Variants in TREM1 observed in about 807,000 individuals in gnomAD.
The protein encoded by TREM1 is triggering receptor expressed on monocytes 1.
In TREM1, 16 loss-of-function variants were observed where a neutral mutation model predicts 22.4. That is an observed-to-expected ratio of 0.71 (90% confidence interval 0.48 to 1.08). TREM1 has a LOEUF of 1.08. Ranked by LOEUF, TREM1 falls within the 50% of genes least tolerant of loss-of-function variation. The pLI is 0.00. For missense variants in TREM1, 283 were observed against 282.9 expected, an observed-to-expected ratio of 1.00 and a Z score of 0.00; for synonymous variants, 110 against 111.6, an observed-to-expected ratio of 0.99 and a Z score of 0.09.
chr6:41,282,327 CTGA>C (rs1767953627), intron 2 of TREM1, 65 bp downstream of exon 2: 5 of 1,277,266 alleles, frequency 3.9e-6, no homozygotes, highest in Non-Finnish European at 5.5e-6. Context: ...CCCAGCTCTG[CTGA>C]TGCTACCACC....
At chr6:41,285,056 C>T (rs1040289227) in intron 1 of TREM1, among the ~76,000 whole-genome samples, 5 of 152,214 alleles carry the variant, frequency 3.3e-5, no homozygotes, top group Non-Finnish European at 5.9e-5. Flanking sequence ...GGAAGACACA[C>T]AGACTCCATC....
rs762670529 is a variant in TREM1, at chr6:41,282,588, C to T, written c.213G>A (p.Glu71=). 5 of 1,614,206 alleles carry T rather than the reference C, an allele frequency of 3.1e-6. No homozygotes were observed. Among genetic ancestry groups the T allele is most frequent in the East Asian group, 2.2e-5 (1 of 44,882 alleles). Residue 71 remains glutamate, a synonymous_variant, in exon 2 of 4, where the codon GAG becomes GAA. Coordinates refer to ENST00000244709, the MANE Select transcript of TREM1 (RefSeq NM_018643.5). ...CTGGATGGGAATTCTTTGAAGGCCT[C>T]TCTGTGCATGCCAGGGTCTTGGGCA... ...GEMPKTLACT[E]RPSKNSHPVQ...
At chr6:41,276,866 T>C (rs1204975981) in intron 3 of TREM1, among the ~76,000 whole-genome samples, 1 of 151,866 alleles carries the variant, frequency 6.6e-6, no homozygotes, top group Non-Finnish European at 1.5e-5. Context: ...TGCAGGAACA[T>C]AATGTCTAAG....
At chr6:41,271,876 C>T (rs1767488059), downstream of TREM1, among the ~76,000 whole-genome samples, 1 of 152,176 alleles carries the variant, frequency 6.6e-6, no homozygotes, top group Non-Finnish European at 1.5e-5. Context: ...TGTCTACATC[C>T]CTCTCCCTGG....
intron 3 of TREM1, chr6:41,268,170 A>T: frequency 2.5e-6 from 1 of 397,910 alleles, no homozygotes; most frequent in Non-Finnish European, 4.4e-6. Context: ...GGCATCCTTT[A>T]TGGTCCCTCT....
chr6:41,284,119 C>T (rs779811058), intron 1 of TREM1, among the ~76,000 whole-genome samples: 168 of 152,120 alleles, frequency 1.1e-3, no homozygotes, highest in Non-Finnish European at 1.8e-3. Flanking sequence ...TTTGATGTCA[C>T]GGAGTCACAG....
chr6:41,272,448 A>G (rs905520384), downstream of TREM1, among the ~76,000 whole-genome samples: 2 of 152,172 alleles, frequency 1.3e-5, no homozygotes, highest in African/African-American at 4.8e-5. Context: ...TTTCTGCTAC[A>G]TCCTCCCTCT....
rs1310110460 is a variant in TREM1 at position 41,282,490 on chromosome 6, T to C, written c.311A>G (p.Gln104Arg). 6.2e-7 allele frequency: 1 copy of C among 1,614,068 alleles called. No homozygotes were observed. Among genetic ancestry groups the C allele is most frequent in the East Asian group, 2.2e-5 (1 of 44,880 alleles). Residue 104 changes from glutamine to arginine, a missense_variant, in exon 2 of 4, where the codon CAA becomes CGA. Coordinates refer to ENST00000244709, the MANE Select transcript of TREM1 (RefSeq NM_018643.5). ...GLLRVRMVNL[Q>R]VEDSGLYQCV... ...CTGATACAGTCCAGAATCTTCCACTTGAAGGTTGACCATTCGGACGCGCAG... is the reference window on the plus strand; with the variant it reads ...CTGATACAGTCCAGAATCTTCCACTCGAAGGTTGACCATTCGGACGCGCAG...
chr6:41,268,338 A>G (rs1416947916), intron 3 of TREM1, among the ~76,000 whole-genome samples: 1 of 152,232 alleles, frequency 6.6e-6, no homozygotes, highest in Admixed American at 6.5e-5. Flanking sequence ...GAAGATAATT[A>G]TGTTTAAGCG....
chr6:41,283,058 G>A (rs1001626319), intron 1 of TREM1, among the ~76,000 whole-genome samples: 1 of 152,192 alleles, frequency 6.6e-6, no homozygotes, highest in Non-Finnish European at 1.5e-5. Flanking sequence ...CAGAACATGG[G>A]ATATTGTACT....
chr6:41,286,484 T>G (rs1581639864), intron 1 of TREM1, 123 bp downstream of exon 1: 1 of 929,382 alleles, frequency 1.1e-6, no homozygotes, highest in East Asian at 2.5e-5. Flanking sequence ...AGCAGCACGG[T>G]CTGCCATAAC....
At chr6:41,285,864 G>C (rs1407526112) in intron 1 of TREM1, among the ~76,000 whole-genome samples, 1 of 152,204 alleles carries the variant, frequency 6.6e-6, no homozygotes, top group Non-Finnish European at 1.5e-5. Flanking sequence ...GAGAGCCCAG[G>C]AGGATACCTC....
At chr6:41,280,846 G>A in intron 3 of TREM1, 115 bp downstream of exon 3, 1 of 1,549,896 alleles carries the variant, frequency 6.5e-7, no homozygotes, top group Non-Finnish European at 8.7e-7. Flanking sequence ...TGTGACTCAA[G>A]TCTTCTCCTG....
chr6:41,280,843 CAA>C, intron 3 of TREM1, 116 bp downstream of exon 3: 1 of 1,544,282 alleles, frequency 6.5e-7, no homozygotes, highest in South Asian at 1.2e-5. Context: ...TAATGTGACT[CAA>C]GTCTTCTCCT....
chr6:41,272,875 A>G (rs1767522433), downstream of TREM1, among the ~76,000 whole-genome samples: 1 of 152,210 alleles, frequency 6.6e-6, no homozygotes, highest in Admixed American at 6.5e-5. Context: ...GGGAGATGGT[A>G]TAATGGAGGT....
intron 3 of TREM1, among the ~76,000 whole-genome samples, chr6:41,278,636 G>A (rs936841213): frequency 2.7e-5 from 4 of 150,854 alleles, no homozygotes; most frequent in Non-Finnish European, 4.4e-5. Context: ...CAGCCTGATT[G>A]ACAGAGTGAG....
intron 2 of TREM1, 128 bp downstream of exon 2, chr6:41,282,267 G>T: frequency 1.4e-6 from 1 of 722,760 alleles, no homozygotes; most frequent in Non-Finnish European, 2.4e-6. Flanking sequence ...GACCTTAGAT[G>T]AGAGATAAAG....
downstream of TREM1, among the ~76,000 whole-genome samples, chr6:41,271,611 C>T (rs1208282814): frequency 6.6e-6 from 1 of 152,214 alleles, no homozygotes; most frequent in African/African-American, 2.4e-5. Flanking sequence ...CTTTTCTTTA[C>T]ATCTCCCAGG....
In TREM1 at chr6:41,282,457, A is replaced by G. The variant is rs998980839; in HGVS notation, c.344T>C (p.Ile115Thr). ...GTGAGGCTCCTTGGGAGGCTGGTAGATCACACACTGATACAGTCCAGAATC... is the reference window on the plus strand; with the variant it reads ...GTGAGGCTCCTTGGGAGGCTGGTAGGTCACACACTGATACAGTCCAGAATC... ...VEDSGLYQCVIYQPPKEPHML... is the reference protein window; with the variant it reads ...VEDSGLYQCVTYQPPKEPHML... The change falls in exon 2 of 4, where the codon ATC (isoleucine) becomes ACC (threonine). Residue 115 changes from isoleucine to threonine, a missense_variant. Coordinates refer to ENST00000244709, the MANE Select transcript of TREM1 (RefSeq NM_018643.5). 1 of 1,614,150 alleles carries G rather than the reference A, an allele frequency of 6.2e-7. No homozygotes were observed.
Sources: gnomAD v4.1 joint callset for allele counts (sites outside exome capture counted in the v4.1 genomes callset) on GRCh38, gnomAD v4.1.1 for gene constraint, MANE v1.5 for transcripts, NCBI Gene and HGNC (gene_info 2026-07-23, HGNC 2026-07-21) for gene names.